The following RASSF8 variants were observed in gnomAD, a reference collection of about 807,000 sequenced individuals.
RASSF8 encodes Ras association domain family member 8.
In RASSF8, 22 loss-of-function variants were observed where a neutral mutation model predicts 48.5. That is an observed-to-expected ratio of 0.45 (90% CI 0.32 to 0.65). RASSF8 has a LOEUF of 0.65. Among genes scored for constraint, RASSF8 ranks in the 30% least tolerant of loss-of-function variants. The probability of loss-of-function intolerance (pLI) is 0.03; values close to 1 mark genes in which losing one functional copy is unlikely to be tolerated. For synonymous variants in RASSF8, 127 were observed against 171.5 expected (o/e 0.74, Z 2.03); for missense variants, 418 against 489.2 (o/e 0.85, Z 1.37).
At chr12:26,003,946 G>A (rs551738552) in intron 2 of RASSF8, among the ~76,000 whole-genome samples, 2 of 152,288 alleles carry the variant, frequency 1.3e-5, no homozygotes, top group South Asian at 4.1e-4. Context: ...GGAGGCTGAG[G>A]TGGGAGGATC....
At chr12:26,043,740 A>C (rs954977695) in intron 2 of RASSF8, among the ~76,000 whole-genome samples, 1 of 152,232 alleles carries the variant, frequency 6.6e-6, no homozygotes, top group African/African-American at 2.4e-5. Context: ...TCTCTACTGC[A>C]GAGAGAAAGA....
intron 3 of RASSF8, 87 bp downstream of exon 3, chr12:26,055,533 A>T (rs1235947577): frequency 7.8e-6 from 9 of 1,160,232 alleles, no homozygotes; most frequent in Non-Finnish European, 1.2e-5. Flanking sequence ...TTTCTAGGGG[A>T]TTTTGTTCAT....
intron 2 of RASSF8, among the ~76,000 whole-genome samples, chr12:26,007,619 C>T (rs2137008035): frequency 6.6e-6 from 1 of 152,256 alleles, no homozygotes; most frequent in Non-Finnish European, 1.5e-5. Context: ...GGCCTACTCT[C>T]ACAGGAAGTA....
intron 1 of RASSF8, among the ~76,000 whole-genome samples, chr12:25,985,620 T>C (rs1250447159): frequency 6.6e-6 from 1 of 152,146 alleles, no homozygotes; most frequent in East Asian, 1.9e-4. Context: ...GTGGCAAGTG[T>C]TGTTAGGTGT....
At chr12:26,049,373 A>G (rs1291376983) in intron 2 of RASSF8, among the ~76,000 whole-genome samples, 3 of 152,256 alleles carry the variant, frequency 2.0e-5, no homozygotes, top group Non-Finnish European at 4.4e-5. Context: ...GTAATTTTAC[A>G]TAAAGATTTT....
chr12:26,028,702 G>A (rs1362925548), intron 2 of RASSF8, among the ~76,000 whole-genome samples: 1 of 152,190 alleles, frequency 6.6e-6, no homozygotes, highest in Admixed American at 6.5e-5. Context: ...TATGTAAGGA[G>A]GGGTGAATGA....
rs115321310 is a variant in RASSF8 at position 25,969,968 on chromosome 12, C to T, written c.-203+10820C>T. On this transcript the variant is annotated intron_variant, in intron 1 of 5. Coordinates refer to ENST00000689635, the MANE Select transcript of RASSF8 (RefSeq NM_001394098.1). ...CACTCACCTCCCGTCTCTGCTCGCTCACCTGCCTCCTCAAGATTTCTTAAC... is the reference window on the plus strand; with the variant it reads ...CACTCACCTCCCGTCTCTGCTCGCTTACCTGCCTCCTCAAGATTTCTTAAC... Among the ~76,000 whole-genome samples, 1,075 of 152,226 alleles carry T rather than the reference C, an allele frequency of 7.1e-3. 17 individuals carry two copies. Among genetic ancestry groups the T allele is most frequent in the African/African-American group, 0.025 (1,024 of 41,506 alleles).
At chr12:26,079,026 T>C in intron 5 of RASSF8, 2 of 1,541,282 alleles carry the variant, frequency 1.3e-6, no homozygotes, top group Non-Finnish European at 1.7e-6. Context: ...TCTTCTGTTT[T>C]ATCTAGGGAT....
At chr12:26,057,595 C>T (rs894178170) in intron 3 of RASSF8, among the ~76,000 whole-genome samples, 4 of 152,058 alleles carry the variant, frequency 2.6e-5, no homozygotes, top group South Asian at 2.1e-4. Flanking sequence ...CATACGTGTG[C>T]GTGTGTCTTT....
intron 2 of RASSF8, among the ~76,000 whole-genome samples, chr12:26,016,719 C>T (rs1325258871): frequency 2.0e-5 from 3 of 152,188 alleles, no homozygotes; most frequent in African/African-American, 7.2e-5. Flanking sequence ...CAGTCCATTT[C>T]ATAAGGTGTG....
At chr12:25,970,363 C>T (rs540317251) in intron 1 of RASSF8, among the ~76,000 whole-genome samples, 21 of 152,212 alleles carry the variant, frequency 1.4e-4, no homozygotes, top group Non-Finnish European at 2.2e-4. Context: ...AATTTCCTGC[C>T]GGGATTTGTG....
intron 2 of RASSF8, among the ~76,000 whole-genome samples, chr12:26,004,709 CTGAGGA>C (rs1325748011): frequency 6.6e-6 from 1 of 150,484 alleles, no homozygotes; most frequent in African/African-American, 2.4e-5. Flanking sequence ...GTTGAGTAGG[CTGAGGA>C]AGAGGAGGAG....
At chr12:25,983,914 C>T (rs962743428) in intron 1 of RASSF8, among the ~76,000 whole-genome samples, 1 of 152,126 alleles carries the variant, frequency 6.6e-6, no homozygotes, top group Non-Finnish European at 1.5e-5. Flanking sequence ...CCTTTCTGTA[C>T]CTTTGAAAAT....
Position 26,071,491 on chromosome 12 carries a change from G to T in RASSF8, c.*2673G>T. 2 of 960,652 alleles carry T rather than the reference G, an allele frequency of 2.1e-6. No homozygotes were observed. Among genetic ancestry groups the T allele is most frequent in the Non-Finnish European group, 2.5e-6 (2 of 807,540 alleles). 59.5% of individuals were successfully genotyped at this position (960,652 alleles called of 1,614,324 possible). On this transcript the variant is annotated 3_prime_UTR_variant, in exon 6 of 6. Transcript: ENST00000689635. The stretch of plus-strand genomic sequence containing the variant: ...TTTAAAGATCTTTTTATCTTACCAA[G>T]AAATAATTTGGAATAGCATTGGTAT...
intron 3 of RASSF8, among the ~76,000 whole-genome samples, chr12:26,056,568 G>A (rs993051943): frequency 2.6e-5 from 4 of 152,202 alleles, no homozygotes; most frequent in Admixed American, 1.3e-4. Context: ...GAGTCATACT[G>A]TTGCCAAGGC....
In RASSF8 at chr12:26,069,821, T is replaced by C; in HGVS notation, c.*1003T>C. ...AAGGTATTGCTTGCACATAATTTGC[T>C]CTGCATATTATGGACCATTGTGGTT... On this transcript the variant is annotated 3_prime_UTR_variant, in exon 6 of 6. Coordinates refer to ENST00000689635, the MANE Select transcript of RASSF8 (RefSeq NM_001394098.1). The C allele has an allele frequency of 4.1e-6, 4 of 985,208 alleles. No individual in the cohort carries two copies. Among genetic ancestry groups the C allele is most frequent in the Non-Finnish European group, 4.8e-6 (4 of 829,702 alleles). 61.0% of individuals were successfully genotyped at this position (985,208 alleles called of 1,614,324 possible).
intron 2 of RASSF8, among the ~76,000 whole-genome samples, chr12:26,041,114 G>A (rs1286752819): frequency 1.3e-5 from 2 of 151,562 alleles, no homozygotes; most frequent in Non-Finnish European, 2.9e-5. Flanking sequence ...GGATGGTCTC[G>A]ATCTCCTGAC....
At chr12:26,079,228 G>A in exon 6 of RASSF8, 1 of 514,196 alleles carries the variant, frequency 1.9e-6, no homozygotes, top group Non-Finnish European at 3.4e-6. Flanking sequence ...TCTGGTAAGG[G>A]TTTAATATCC....
intron 1 of RASSF8, among the ~76,000 whole-genome samples, chr12:25,967,729 TC>T (rs1462285807): frequency 6.6e-6 from 1 of 152,188 alleles, no homozygotes; most frequent in Admixed American, 6.5e-5. Flanking sequence ...GTTAGTGCCT[TC>T]CCCTTACCCA....
Sources: allele counts gnomAD v4.1 joint callset (sites outside exome capture counted in the v4.1 genomes callset), GRCh38; gene constraint gnomAD v4.1.1; transcripts MANE v1.5; gene names NCBI Gene and HGNC (gene_info 2026-07-23, HGNC 2026-07-21).